Variants in DNAAF11 observed in about 807,000 individuals in gnomAD.
DNAAF11 encodes the protein leucine rich repeat containing 6.
In DNAAF11, 45 loss-of-function variants were observed where a neutral mutation model predicts 60.8. That is an observed-to-expected ratio of 0.74 (90% CI 0.58 to 0.95). DNAAF11 has a LOEUF of 0.95. Among genes scored for constraint, DNAAF11 ranks in the 40% least tolerant of loss-of-function variants. The pLI, the probability that DNAAF11 is intolerant of heterozygous loss-of-function variation, is 0.00. For synonymous variants in DNAAF11, 191 were observed against 183.5 expected (o/e 1.04, Z -0.33); for missense variants, 546 against 546.2 (o/e 1.00, Z 0.00).
In DNAAF11 at chr8:132,632,932, T is replaced by C; in HGVS notation, c.461A>G (p.Glu154Gly). ...ATAGTCCTGCAATGCCTTAATCCTTTCTGAAGGCTCTATTTCTTTACCATC... is the reference window on the plus strand; with the variant it reads ...ATAGTCCTGCAATGCCTTAATCCTTCCTGAAGGCTCTATTTCTTTACCATC... ...WLDGKEIEPSERIKALQDYSV... is the reference protein window; with the variant it reads ...WLDGKEIEPSGRIKALQDYSV... The change falls in exon 5 of 12, where the codon GAA becomes GGA. Residue 154 changes from glutamate (E) to glycine (G), a missense_variant. By Grantham distance (98) the Glu-to-Gly change is moderately conservative (BLOSUM62 -2). Coordinates refer to ENST00000620350, the MANE Select transcript of DNAAF11 (RefSeq NM_012472.6). 6.2e-7 allele frequency: 1 copy of C among 1,613,156 alleles called. No homozygotes were observed. The highest frequency in any genetic ancestry group is 1.3e-5 in the African/African-American group (1 of 75,022).
chr8:132,594,980 T>G (rs530771687), intron 10 of DNAAF11, among the ~76,000 whole-genome samples: 3 of 152,246 alleles, frequency 2.0e-5, no homozygotes, highest in East Asian at 3.9e-4. Context: ...GTAGTCTTTC[T>G]GGCTCCCTCA....
At chr8:132,585,693 C>G (rs533047895) in intron 10 of DNAAF11, among the ~76,000 whole-genome samples, 6 of 152,172 alleles carry the variant, frequency 3.9e-5, no homozygotes, top group African/African-American at 1.4e-4. Context: ...ACAATGTTTA[C>G]TTCTTCAATA....
chr8:132,662,695 G>A (rs987668958), intron 1 of DNAAF11, among the ~76,000 whole-genome samples: 1 of 152,176 alleles, frequency 6.6e-6, no homozygotes, highest in Non-Finnish European at 1.5e-5. Context: ...ATAAGTGCTA[G>A]AGCCAGGTTT....
chr8:132,584,738 T>A (rs1431917427), intron 10 of DNAAF11, among the ~76,000 whole-genome samples: 1 of 152,124 alleles, frequency 6.6e-6, no homozygotes, highest in Non-Finnish European at 1.5e-5. Flanking sequence ...AGGGTCATTA[T>A]CTCAAGGGTG....
intron 1 of DNAAF11, among the ~76,000 whole-genome samples, chr8:132,667,472 T>G (rs193297782): frequency 6.6e-6 from 1 of 152,310 alleles, no homozygotes; most frequent in Admixed American, 6.5e-5. Flanking sequence ...ATCATAAGAC[T>G]ATTTCAAGAA....
At chr8:132,642,412 CCTT>C (rs948921816) in intron 3 of DNAAF11, among the ~76,000 whole-genome samples, 12 of 152,256 alleles carry the variant, frequency 7.9e-5, no homozygotes, top group Admixed American at 7.9e-4. Context: ...GAATCCTTCT[CCTT>C]CTCTCTGCAT....
chr8:132,638,582 T>C (rs1015253475), intron 3 of DNAAF11, among the ~76,000 whole-genome samples: 5 of 152,122 alleles, frequency 3.3e-5, no homozygotes, highest in African/African-American at 1.2e-4. Context: ...AAGAAAGGCA[T>C]TTCATAAAAC....
chr8:132,628,100 G>A (rs546153706), intron 5 of DNAAF11, among the ~76,000 whole-genome samples: 24 of 152,194 alleles, frequency 1.6e-4, no homozygotes, highest in African/African-American at 5.5e-4. Context: ...CTTCTACCAT[G>A]TCTACTTGTT....
chr8:132,651,162 G>A (rs964959776), intron 3 of DNAAF11, among the ~76,000 whole-genome samples: 1 of 152,072 alleles, frequency 6.6e-6, no homozygotes, highest in Admixed American at 6.5e-5. Context: ...ACTGCCAAAG[G>A]CGGGTGGGGG....
At chr8:132,682,101 G>T in the DNAAF11 span, among the ~76,000 whole-genome samples, 1 of 152,218 alleles carries the variant, frequency 6.6e-6, no homozygotes, top group Non-Finnish European at 1.5e-5. Context: ...TCAATTGAAA[G>T]ATGGTGCCTG....
chr8:132,589,849 G>C (rs1040588655), intron 10 of DNAAF11, among the ~76,000 whole-genome samples: 1 of 152,144 alleles, frequency 6.6e-6, no homozygotes, highest in South Asian at 2.1e-4. Flanking sequence ...TCTTAAAAGG[G>C]GTCATTTGCA....
chr8:132,698,000 C>T, the DNAAF11 span, among the ~76,000 whole-genome samples: 44,523 of 152,030 alleles, frequency 0.29, 6,793 homozygotes, highest in East Asian at 0.37. Context: ...TATCACAACA[C>T]CCCTGTGAGA....
upstream of DNAAF11, among the ~76,000 whole-genome samples, chr8:132,678,879 T>C (rs1311745731): frequency 2.0e-5 from 3 of 152,154 alleles, no homozygotes; most frequent in African/African-American, 7.2e-5. Context: ...GACATGTGCC[T>C]TGGATTTTTC....
chr8:132,668,998 T>A (rs1248965077), intron 1 of DNAAF11, among the ~76,000 whole-genome samples: 1 of 152,178 alleles, frequency 6.6e-6, no homozygotes, highest in Non-Finnish European at 1.5e-5. Flanking sequence ...CAATGACTGG[T>A]TGATGTAGGG....
chr8:132,573,728 T>C (rs374982744), intron 11 of DNAAF11, among the ~76,000 whole-genome samples: 2 of 152,276 alleles, frequency 1.3e-5, no homozygotes, highest in African/African-American at 2.4e-5. Context: ...CTTCTGAAAG[T>C]GTCAACTCTC....
chr8:132,694,543 T>C, the DNAAF11 span, among the ~76,000 whole-genome samples: 3 of 152,190 alleles, frequency 2.0e-5, no homozygotes, highest in African/African-American at 7.2e-5. Context: ...CCACTCAGTT[T>C]ATAATACTTT....
At chr8:132,592,081 A>C (rs1276266486) in intron 10 of DNAAF11, among the ~76,000 whole-genome samples, 1 of 152,174 alleles carries the variant, frequency 6.6e-6, no homozygotes, top group Non-Finnish European at 1.5e-5. Flanking sequence ...CTCCAATTTT[A>C]TTATAAAATA....
chr8:132,680,974 G>A, the DNAAF11 span, among the ~76,000 whole-genome samples: 2 of 130,522 alleles, frequency 1.5e-5, no homozygotes, highest in African/African-American at 6.0e-5. Context: ...GGCAAAAACC[G>A]CAATTAGTTT....
chr8:132,642,873 C>CA (rs1821995174), intron 3 of DNAAF11, among the ~76,000 whole-genome samples: 1 of 152,192 alleles, frequency 6.6e-6, no homozygotes, highest in Non-Finnish European at 1.5e-5. Context: ...ATTCTCTGAA[C>CA]GGATATGTTA....
Sources: allele counts gnomAD v4.1 joint callset (sites outside exome capture counted in the v4.1 genomes callset), GRCh38; gene constraint gnomAD v4.1.1; transcripts MANE v1.5; gene names NCBI Gene and HGNC (gene_info 2026-07-23, HGNC 2026-07-21).